The following EEFSEC variants were observed in gnomAD, a reference collection of about 807,000 sequenced individuals.
EEFSEC encodes eukaryotic elongation factor, selenocysteine-tRNA specific, also known as selenocysteine-specific elongation factor.
A neutral mutation model predicts 42.1 loss-of-function variants in EEFSEC; 43 were observed. The ratio of observed to expected loss-of-function variants is 1.02; its 90% CI spans 0.80 to 1.32. The LOEUF is 1.32. EEFSEC is among the 40% of genes most tolerant of loss of function. The pLI, the probability that EEFSEC is intolerant of heterozygous loss-of-function variation, is 0.00. For missense variants in EEFSEC, 745 were observed against 803.6 expected (o/e 0.93, Z 0.88); for synonymous variants, 354 against 339.1 (o/e 1.04, Z -0.48).
chr3:128,268,331 C>A (rs2066376973), intron 4 of EEFSEC, among the ~76,000 whole-genome samples: 1 of 152,138 alleles, frequency 6.6e-6, no homozygotes, highest in African/African-American at 2.4e-5. Flanking sequence ...ACATTAGGAA[C>A]TTTTTGAGCT....
At chr3:128,272,900 G>A (rs536589484) in intron 4 of EEFSEC, among the ~76,000 whole-genome samples, 1 of 152,144 alleles carries the variant, frequency 6.6e-6, no homozygotes, top group African/African-American at 2.4e-5. Context: ...CCACTGGCTT[G>A]GTGCTTCCCA....
At chr3:128,208,779 T>C (rs1559869137) in intron 1 of EEFSEC, among the ~76,000 whole-genome samples, 1 of 152,206 alleles carries the variant, frequency 6.6e-6, no homozygotes, top group Non-Finnish European at 1.5e-5. Context: ...GGGAGGGGCC[T>C]GTGAGAACTG....
intron 1 of EEFSEC, among the ~76,000 whole-genome samples, chr3:128,238,342 C>T (rs147698301): frequency 3.3e-5 from 5 of 152,334 alleles, no homozygotes; most frequent in Non-Finnish European, 7.4e-5. Flanking sequence ...TTTTATGTGA[C>T]ATTTCTCAAG....
intron 2 of EEFSEC, among the ~76,000 whole-genome samples, chr3:128,249,550 C>T (rs1346560644): frequency 1.3e-5 from 2 of 152,080 alleles, no homozygotes; most frequent in East Asian, 1.9e-4. Flanking sequence ...TTTTCATGAC[C>T]CCCAACATAA....
intron 1 of EEFSEC, among the ~76,000 whole-genome samples, chr3:128,241,637 C>T (rs1218766787): frequency 6.6e-6 from 1 of 152,142 alleles, no homozygotes; most frequent in African/African-American, 2.4e-5. Context: ...AGCCTGTTTT[C>T]CCATTTGTAA....
At chr3:128,184,530 TTGTA>T (rs2065444877) in intron 1 of EEFSEC, among the ~76,000 whole-genome samples, 1 of 152,190 alleles carries the variant, frequency 6.6e-6, no homozygotes, top group African/African-American at 2.4e-5. Flanking sequence ...TAATATTCCT[TTGTA>T]TATATATTTT....
chr3:128,235,978 G>GTTTC (rs1559880726), intron 1 of EEFSEC, among the ~76,000 whole-genome samples: 1 of 147,126 alleles, frequency 6.8e-6, no homozygotes, highest in Non-Finnish European at 1.5e-5. Flanking sequence ...TTGTTTGTTT[G>GTTTC]TTTTCAGACG....
intron 6 of EEFSEC, among the ~76,000 whole-genome samples, chr3:128,395,963 G>T (rs141334832): frequency 6.6e-6 from 1 of 152,294 alleles, no homozygotes; most frequent in Non-Finnish European, 1.5e-5. Flanking sequence ...ACCAAGCCTG[G>T]TGTCCAAACC....
intron 1 of EEFSEC, among the ~76,000 whole-genome samples, chr3:128,227,149 C>G (rs2065916276): frequency 6.6e-6 from 1 of 152,204 alleles, no homozygotes; most frequent in African/African-American, 2.4e-5. Flanking sequence ...TTCTTCAGTC[C>G]CTCTGTCTCC....
chr3:128,229,952 C>T (rs2065943477), intron 1 of EEFSEC, among the ~76,000 whole-genome samples: 1 of 151,958 alleles, frequency 6.6e-6, no homozygotes, highest in African/African-American at 2.4e-5. Context: ...TGGAGGGTTT[C>T]CTTTCCTTTC....
At chr3:128,156,871 C>T (rs1445368536) in intron 1 of EEFSEC, among the ~76,000 whole-genome samples, 2 of 152,160 alleles carry the variant, frequency 1.3e-5, no homozygotes, top group African/African-American at 4.8e-5. Flanking sequence ...AGCCTTTATG[C>T]GTTCAAGGGA....
chr3:128,267,647 T>C (rs2066368705), intron 4 of EEFSEC, among the ~76,000 whole-genome samples: 1 of 152,192 alleles, frequency 6.6e-6, no homozygotes, highest in African/African-American at 2.4e-5. Context: ...TCTCAGTCCC[T>C]CTAGATTGCA....
chr3:128,208,662 G>C (rs1314007075), intron 1 of EEFSEC, among the ~76,000 whole-genome samples: 2 of 152,222 alleles, frequency 1.3e-5, no homozygotes, highest in Admixed American at 6.5e-5. Context: ...TGCTATGTCT[G>C]AGGTGGGGCC....
At chr3:128,270,552 A>C (rs1413313548) in intron 4 of EEFSEC, among the ~76,000 whole-genome samples, 1 of 152,240 alleles carries the variant, frequency 6.6e-6, no homozygotes, top group African/African-American at 2.4e-5. Flanking sequence ...CCAGAAAGGG[A>C]AAAGAAAACC....
intron 4 of EEFSEC, among the ~76,000 whole-genome samples, chr3:128,333,567 C>T (rs1284927288): frequency 2.6e-5 from 4 of 152,250 alleles, no homozygotes; most frequent in Admixed American, 2.0e-4. Flanking sequence ...TCATTAGCCA[C>T]TATCATTAGA....
At chr3:128,416,810 A>G in the EEFSEC span, among the ~76,000 whole-genome samples, 1 of 152,130 alleles carries the variant, frequency 6.6e-6, no homozygotes, top group Non-Finnish European at 1.5e-5. Context: ...CATGCCGAGA[A>G]AGGGCAATGG....
chr3:128,286,731 G>A (rs1314550983), intron 4 of EEFSEC, among the ~76,000 whole-genome samples: 2 of 152,240 alleles, frequency 1.3e-5, no homozygotes, highest in African/African-American at 4.8e-5. Context: ...TAGAGACAGG[G>A]TGTGTGCTCC....
chr3:128,196,943 G>A (rs2065590992), intron 1 of EEFSEC, among the ~76,000 whole-genome samples: 1 of 152,156 alleles, frequency 6.6e-6, no homozygotes, highest in African/African-American at 2.4e-5. Context: ...GGGAGAGTTT[G>A]GATGCTCGCA....
At chr3:128,340,954 T>C (rs949324091) in intron 4 of EEFSEC, among the ~76,000 whole-genome samples, 2 of 152,158 alleles carry the variant, frequency 1.3e-5, no homozygotes, top group African/African-American at 4.8e-5. Flanking sequence ...TAGTCAGGGA[T>C]TTGGCTGCTA....
Sources: allele counts gnomAD v4.1 joint callset (sites outside exome capture counted in the v4.1 genomes callset), GRCh38; gene constraint gnomAD v4.1.1; transcripts MANE v1.5; gene names NCBI Gene and HGNC (gene_info 2026-07-23, HGNC 2026-07-21).